The following PIK3C2G variants were observed in gnomAD, a reference collection of about 807,000 sequenced individuals.
PIK3C2G encodes phosphatidylinositol 3-kinase C2 domain-containing subunit gamma.
A neutral mutation model predicts 181.1 loss-of-function variants in PIK3C2G; 168 were observed. The ratio of observed to expected loss-of-function variants is 0.93; its 90% CI spans 0.82 to 1.05. The LOEUF (loss-of-function observed/expected upper bound fraction) is 1.05. Among genes scored for constraint, PIK3C2G ranks in the 50% least tolerant of loss-of-function variants. The pLI, the probability that PIK3C2G is intolerant of heterozygous loss-of-function variation, is 0.00. For synonymous variants in PIK3C2G, 573 were observed against 592.2 expected (o/e 0.97, Z 0.47); for missense variants, 1,869 against 1,732.8 (o/e 1.08, Z -1.40).
chr12:18,588,051 G>A (rs1946883943), intron 29 of PIK3C2G, among the ~76,000 whole-genome samples: 3 of 151,970 alleles, frequency 2.0e-5, no homozygotes, highest in Non-Finnish European at 2.9e-5. Context: ...CTCACCATAC[G>A]CAGAAGACTG....
chr12:18,665,973 C>G, the PIK3C2G span, among the ~76,000 whole-genome samples: 1 of 150,620 alleles, frequency 6.6e-6, no homozygotes, highest in African/African-American at 2.4e-5. Context: ...GTGGTGCATG[C>G]CTGAGGTATG....
rs534032698 is a variant in PIK3C2G, at chr12:18,548,034, C to T, written c.3590+1602C>T. 4.6e-5 allele frequency among the ~76,000 whole-genome samples: 7 copies of T among 151,962 alleles called. No homozygotes were observed. In the South Asian group the frequency reaches 1.2e-3, roughly 27 times the overall value. ...AAGGCAGCTCCAGGGACCACATCAG[C>T]AGGAACTTACTCCTTCCCCTCTGAC... On this transcript the variant is annotated intron_variant, in intron 26 of 32. Transcript: ENST00000538779.
chr12:18,642,931 A>T (rs1949918385), intron 32 of PIK3C2G, among the ~76,000 whole-genome samples: 1 of 152,064 alleles, frequency 6.6e-6, no homozygotes, highest in Non-Finnish European at 1.5e-5. Context: ...TGATGTCAAC[A>T]GTGAGAAGCA....
At chr12:18,563,349 T>C (rs761234839) in intron 27 of PIK3C2G, 28 bp from the exon 28 acceptor site, 18 of 1,584,988 alleles carry the variant, frequency 1.1e-5, no homozygotes, top group Non-Finnish European at 1.5e-5. Context: ...TTGCCATCTT[T>C]TGATTTCTAT....
At chr12:18,309,358 G>A (rs1457324256) in intron 5 of PIK3C2G, among the ~76,000 whole-genome samples, 2 of 151,788 alleles carry the variant, frequency 1.3e-5, no homozygotes, top group African/African-American at 4.8e-5. Flanking sequence ...CATGAGAAAA[G>A]TCTATAAGTA....
At chr12:18,494,789 T>C (rs1940867221) in intron 20 of PIK3C2G, among the ~76,000 whole-genome samples, 1 of 152,144 alleles carries the variant, frequency 6.6e-6, no homozygotes, top group Admixed American at 6.5e-5. Flanking sequence ...TGCAACAGAA[T>C]TTCATTGCTT....
intron 31 of PIK3C2G, among the ~76,000 whole-genome samples, chr12:18,630,359 C>T (rs1949298151): frequency 6.6e-6 from 1 of 151,954 alleles, no homozygotes; most frequent in Non-Finnish European, 1.5e-5. Flanking sequence ...GCCACTGCAC[C>T]CCAGCCCGGG....
chr12:18,648,160 C>T lies in PIK3C2G; in HGVS notation c.*132C>T. ...GGTATTAAGGACACAGAAAAAAAATCAGAATTAGTCTTTTGTGTTGTTTAT... is the reference window on the plus strand; with the variant it reads ...GGTATTAAGGACACAGAAAAAAAATTAGAATTAGTCTTTTGTGTTGTTTAT... On this transcript the variant is annotated 3_prime_UTR_variant, in exon 33 of 33. Transcript: ENST00000538779. The T allele has an allele frequency of 2.3e-6, 1 of 431,000 alleles. No individual in the cohort carries two copies. 26.7% of individuals were successfully genotyped at this position (431,000 alleles called of 1,614,324 possible).
chr12:18,399,370 A>C (rs1944109623), intron 15 of PIK3C2G, among the ~76,000 whole-genome samples: 1 of 151,700 alleles, frequency 6.6e-6, no homozygotes, highest in African/African-American at 2.4e-5. Flanking sequence ...TGCCAACCAA[A>C]ATGACATATT....
chr12:18,547,834 A>G (rs1944512724), intron 26 of PIK3C2G, among the ~76,000 whole-genome samples: 1 of 151,970 alleles, frequency 6.6e-6, no homozygotes, highest in Admixed American at 6.6e-5. Context: ...GACTGTGGCC[A>G]AAGACATTAG....
chr12:18,371,615 A>G (rs1271423985), intron 13 of PIK3C2G, among the ~76,000 whole-genome samples: 3 of 152,184 alleles, frequency 2.0e-5, no homozygotes, highest in Non-Finnish European at 2.9e-5. Context: ...TAGTAATTCA[A>G]AATGATTTGG....
At chr12:18,415,039 A>C (rs2135663662) in intron 16 of PIK3C2G, among the ~76,000 whole-genome samples, 1 of 152,338 alleles carries the variant, frequency 6.6e-6, no homozygotes, top group Admixed American at 6.5e-5. Flanking sequence ...GCATATATTG[A>C]TACAAATACA....
intron 29 of PIK3C2G, among the ~76,000 whole-genome samples, chr12:18,577,366 T>C (rs999022684): frequency 1.3e-5 from 2 of 152,188 alleles, no homozygotes; most frequent in Non-Finnish European, 2.9e-5. Context: ...CATCCACATT[T>C]ACAAATGTGC....
chr12:18,253,526 C>A (rs1948115184), intron 1 of PIK3C2G, among the ~76,000 whole-genome samples: 1 of 152,012 alleles, frequency 6.6e-6, no homozygotes, highest in African/African-American at 2.4e-5. Context: ...ATATAAATAC[C>A]TCAAGATTTG....
chr12:18,268,318 T>C (rs1426805201), intron 1 of PIK3C2G, among the ~76,000 whole-genome samples: 2 of 152,166 alleles, frequency 1.3e-5, no homozygotes, highest in Non-Finnish European at 2.9e-5. Flanking sequence ...ATTTTTTGAG[T>C]TATGTTACCA....
chr12:18,549,725 C>A (rs1488574950), intron 26 of PIK3C2G, among the ~76,000 whole-genome samples: 1 of 152,026 alleles, frequency 6.6e-6, no homozygotes, highest in East Asian at 1.9e-4. Flanking sequence ...ATCCGGAATA[C>A]CTCAAGCATC....
intron 18 of PIK3C2G, among the ~76,000 whole-genome samples, chr12:18,484,759 C>T (rs955773801): frequency 2.6e-5 from 4 of 152,150 alleles, no homozygotes; most frequent in African/African-American, 9.6e-5. Flanking sequence ...AATAAAGTTG[C>T]TAACGCTAAA....
chr12:18,607,156 C>T (rs766559296), intron 30 of PIK3C2G: 7 of 515,792 alleles, frequency 1.4e-5, no homozygotes, highest in Middle Eastern at 6.4e-4. Context: ...AACTATTTTG[C>T]GTTTTAATTA....
intron 30 of PIK3C2G, among the ~76,000 whole-genome samples, chr12:18,606,602 T>C (rs189176272): frequency 5.8e-4 from 88 of 152,184 alleles, no homozygotes; most frequent in Non-Finnish European, 9.6e-4. Context: ...CCTCATACAA[T>C]GTATAAATTA....
Sources: allele counts gnomAD v4.1 joint callset (sites outside exome capture counted in the v4.1 genomes callset), GRCh38; gene constraint gnomAD v4.1.1; transcripts MANE v1.5; gene names NCBI Gene and HGNC (gene_info 2026-07-23, HGNC 2026-07-21).